OSBPL7: variants seen among roughly 807,000 people sequenced by gnomAD.
The protein encoded by OSBPL7 is oxysterol-binding protein-related protein 7.
Under a neutral mutation model 115.8 loss-of-function variants are expected in OSBPL7, and 66 were observed. The observed-to-expected ratio is 0.57, with a 90% CI of 0.47 to 0.70. The LOEUF (loss-of-function observed/expected upper bound fraction) is 0.70. Ranked by LOEUF, OSBPL7 falls within the 30% of genes least tolerant of loss-of-function variation. The pLI is 0.00. For missense variants in OSBPL7, 902 were observed against 1,125.5 expected (o/e 0.80, Z 2.84); for synonymous variants, 441 against 439.2 (o/e 1.00, Z -0.05).
rs367678143 is a variant in OSBPL7, at chr17:47,815,266, C to T, written c.1206G>A (p.Glu402=). 10 of 1,613,846 alleles carry T rather than the reference C, an allele frequency of 6.2e-6. No individual in the cohort carries two copies. The highest frequency in any genetic ancestry group is 1.7e-5 in the Admixed American group (1 of 60,006). ...GGAGAACCTCGCAGGCATCGAAGAACTCCGTGTGGGAATCAGCAAGGGACA... is the reference window on the plus strand; with the variant it reads ...GGAGAACCTCGCAGGCATCGAAGAATTCCGTGTGGGAATCAGCAAGGGACA... The part of the protein sequence containing the change: ...SILSLADSHT[E]FFDACEVLLS... The change falls in exon 13 of 23, where the codon GAG becomes GAA. Residue 402 remains glutamate, a synonymous_variant. Coordinates refer to ENST00000007414, the MANE Select transcript of OSBPL7 (RefSeq NM_145798.3).
At chr17:47,814,341 C>A (rs536579101) in intron 14 of OSBPL7, among the ~76,000 whole-genome samples, 180 bp downstream of exon 14, 3 of 152,378 alleles carry the variant, frequency 2.0e-5, no homozygotes, top group Admixed American at 2.0e-4. Flanking sequence ...CCCAGCAGAG[C>A]TGCTCCTGGA....
At chr17:47,817,153 C>T (rs2033248011) in intron 8 of OSBPL7, 103 bp downstream of exon 8, 2 of 934,936 alleles carry the variant, frequency 2.1e-6, no homozygotes, top group Non-Finnish European at 3.3e-6. Flanking sequence ...CGATGCATGG[C>T]TCTCCAGGAA....
intron 16 of OSBPL7, among the ~76,000 whole-genome samples, chr17:47,812,272 G>A (rs1033282742): frequency 4.6e-5 from 7 of 152,072 alleles, no homozygotes; most frequent in Non-Finnish European, 7.4e-5. Context: ...AGGGACCCGC[G>A]ACCCCTCCCC....
chr17:47,816,482 A>C lies in OSBPL7; in HGVS notation c.929T>G (p.Val310Gly), dbSNP rs1171494462. Reference protein sequence around the residue: ...QRSFWALAQKVHSSLSSVLAA... With the variant: ...QRSFWALAQKGHSSLSSVLAA... ...CAGGACGCTGCTGAGGGAGCTGTGC[A>C]CTACAGGGAGTGGGGCAGACCATCA... Residue 310 changes from valine to glycine, a missense_variant and splice_region_variant, in exon 11 of 23, where the codon GTG (valine) becomes GGG (glycine). Physicochemically the swap from Val to Gly is moderately radical, Grantham distance 109. Coordinates refer to ENST00000007414, the MANE Select transcript of OSBPL7 (RefSeq NM_145798.3). The surrounding 1 kb of genome is among the most constrained non-coding windows in gnomAD (Gnocchi z 5.8). 1 of 1,546,478 alleles carries C rather than the reference A, an allele frequency of 6.5e-7. No homozygotes were observed. Among genetic ancestry groups the C allele is most frequent in the Admixed American group, 2.0e-5 (1 of 50,448 alleles).
chr17:47,815,980 T>C (rs1039275520), intron 12 of OSBPL7, 127 bp downstream of exon 12: 3 of 710,080 alleles, frequency 4.2e-6, no homozygotes, highest in Middle Eastern at 2.5e-4. Context: ...GGAAAGACAA[T>C]GGAGCCAGGA....
chr17:47,816,260 C>T lies in OSBPL7; in HGVS notation c.1024-58G>A, dbSNP rs1462061319. On this transcript the variant is annotated intron_variant, in intron 11 of 22. Transcript: ENST00000007414. This position sits in a 1 kb window ranked among gnomAD's most constrained non-coding sequence, Gnocchi z 5.8. ...GAGGATGAGGTCCTCCCCACCTTGC[C>T]GCATCTCTGCAGAGACTGCCTCTGC... 89 of 1,516,428 alleles carry T rather than the reference C, an allele frequency of 5.9e-5. No individual in the cohort carries two copies. Among genetic ancestry groups the T allele is most frequent in the Non-Finnish European group, 6.8e-5 (76 of 1,121,216 alleles). 93.9% of individuals were successfully genotyped at this position (1,516,428 alleles called of 1,614,324 possible).
At chr17:47,811,347 G>A (rs895558653) in intron 16 of OSBPL7, among the ~76,000 whole-genome samples, 41 of 152,094 alleles carry the variant, frequency 2.7e-4, no homozygotes, top group Admixed American at 2.1e-3. Context: ...CTCTCTCTCC[G>A]TTCCCTGTCG....
rs751809186 is a variant in OSBPL7 at position 47,808,948 on chromosome 17, T to C, written c.2213A>G (p.Gln738Arg). ...CAGCTCATTCAGCTCCAAGGCAAAC[T>C]GGGTGAAGCCGAAGTTTCGCTCATG... The part of the protein sequence containing the change: ...PDHERNFGFT[Q>R]FALELNELTA... Residue 738 changes from glutamine (Q) to arginine (R), a missense_variant, in exon 21 of 23, where the codon CAG becomes CGG. Around this residue, in one of 3 missense-constraint regions of OSBPL7, gnomAD observed 230 missense variants for 312.7 expected, o/e 0.74. Coordinates refer to ENST00000007414, the MANE Select transcript of OSBPL7 (RefSeq NM_145798.3). This position sits in a 1 kb window ranked among gnomAD's most constrained non-coding sequence, Gnocchi z 6.1. 1.2e-6 allele frequency: 2 copies of C among 1,613,812 alleles called. No individual in the cohort carries two copies. Among genetic ancestry groups the C allele is most frequent in the Non-Finnish European group, 1.7e-6 (2 of 1,179,978 alleles).
At chr17:47,820,909 G>C (rs2033376756) in intron 1 of OSBPL7, 1 of 152,056 alleles carries the variant, frequency 6.6e-6, no homozygotes, top group Non-Finnish European at 1.5e-5. Context: ...ACTGAGGCCT[G>C]AGATAGCCCC....
In OSBPL7 at chr17:47,808,980, G is replaced by C; in HGVS notation, c.2181C>G (p.Pro727=). ...GQCIWKPNSM[P]PDHERNFGFT... is the part of the protein sequence containing the mutation. Reference sequence around the variant, plus strand: ...AGCCGAAGTTTCGCTCATGGTCGGGGGGCATTGAGTCTGGGGGAAGGCAAG... The same window carrying C: ...AGCCGAAGTTTCGCTCATGGTCGGGCGGCATTGAGTCTGGGGGAAGGCAAG... Residue 727 remains proline (P), a synonymous_variant, in exon 21 of 23, where the codon CCC becomes CCG. Coordinates refer to ENST00000007414, the MANE Select transcript of OSBPL7 (RefSeq NM_145798.3). This position sits in a 1 kb window ranked among gnomAD's most constrained non-coding sequence, Gnocchi z 6.1. The C allele has an allele frequency of 6.2e-7, 1 of 1,614,160 alleles. No homozygotes were observed. The highest frequency in any genetic ancestry group is 1.1e-5 in the South Asian group (1 of 91,082).
Position 47,820,311 on chromosome 17 carries a change from G to A in OSBPL7, c.-33C>T. The A allele has an allele frequency of 1.2e-6, 2 of 1,601,976 alleles. No individual in the cohort carries two copies. The highest frequency in any genetic ancestry group is 8.5e-7 in the Non-Finnish European group (1 of 1,172,230). On this transcript the variant is annotated 5_prime_UTR_variant, in exon 2 of 23. Coordinates refer to ENST00000007414, the MANE Select transcript of OSBPL7 (RefSeq NM_145798.3). ...GGAGAGGCCACTCCCTGCTGGGGAT[G>A]TAGAGCAGGGAGCAGGGTGGAAGGG...
In OSBPL7 at chr17:47,820,228, G is replaced by A. The variant is rs956933674; in HGVS notation, c.51C>T (p.Ser17=). Residue 17 remains serine (S), a synonymous_variant, in exon 2 of 23, where the codon TCC becomes TCT. Transcript: ENST00000007414. ...CCTGCTGAGCACTGCTGGGCTTTGA[G>A]GACTGAGCGCTCTCAGGCAGGAAGG... ...DPPFLPESAQ[S]SKPSSAQQAS... is the part of the protein sequence containing the mutation. 4 of 1,613,920 alleles carry A rather than the reference G, an allele frequency of 2.5e-6. No homozygotes were observed. The highest frequency in any genetic ancestry group is 3.4e-6 in the Non-Finnish European group (4 of 1,180,010).
chr17:47,811,269 G>T (rs1268780625), intron 16 of OSBPL7, among the ~76,000 whole-genome samples: 9 of 141,220 alleles, frequency 6.4e-5, no homozygotes, highest in Admixed American at 1.5e-4. Context: ...ACTTGGCCTT[G>T]TTCCCACTTG....
rs778371847 is a variant in OSBPL7 at position 47,816,787 on chromosome 17, A to G, written c.788T>C (p.Ile263Thr). Residue 263 changes from isoleucine to threonine, a missense_variant, in exon 9 of 23, where the codon ATT becomes ACT. Physicochemically the swap from Ile to Thr is moderately conservative, Grantham distance 89. This residue lies in a region of OSBPL7 where 667 missense variants were observed against 788.7 expected (regional missense o/e 0.85). Coordinates refer to ENST00000007414, the MANE Select transcript of OSBPL7 (RefSeq NM_145798.3). The surrounding 1 kb of genome is among the most constrained non-coding windows in gnomAD (Gnocchi z 5.8). ...CTQSFAKDDT[I>T]GRVGRLHGSV... Reference sequence around the variant, plus strand: ...GTGCATGCCCGACCTCACCCGTCCAATGGTGTCATCCTTGGCAAAGCTCTG... The same window carrying G: ...GTGCATGCCCGACCTCACCCGTCCAGTGGTGTCATCCTTGGCAAAGCTCTG... 5.0e-6 allele frequency: 8 copies of G among 1,614,018 alleles called. No individual in the cohort carries two copies. The highest frequency in any genetic ancestry group is 3.3e-5 in the Admixed American group (2 of 60,004).
chr17:47,809,245 G>C, intron 19 of OSBPL7, 25 bp from the exon 20 acceptor site: 1 of 1,613,622 alleles, frequency 6.2e-7, no homozygotes, highest in Non-Finnish European at 8.5e-7. Flanking sequence ...GCAGGGTTTA[G>C]GGAGGTGTCC....
chr17:47,816,799 T>G lies in OSBPL7; in HGVS notation c.776A>C (p.Lys259Thr). 1 of 1,614,196 alleles carries G rather than the reference T, an allele frequency of 6.2e-7. No individual in the cohort carries two copies. Among genetic ancestry groups the G allele is most frequent in the Non-Finnish European group, 8.5e-7 (1 of 1,180,028 alleles). Residue 259 changes from lysine to threonine, a missense_variant, in exon 9 of 23, where the codon AAG becomes ACG. Transcript: ENST00000007414. The surrounding 1 kb of genome is among the most constrained non-coding windows in gnomAD (Gnocchi z 5.8). ...SRMWCTQSFAKDDTIGRVGRL... is the reference protein window; with the variant it reads ...SRMWCTQSFATDDTIGRVGRL... ...CCTCACCCGTCCAATGGTGTCATCC[T>G]TGGCAAAGCTCTGGGTGCACCACAT... is the stretch of plus-strand genomic sequence containing the variant.
rs1315789244 is a variant in OSBPL7 at position 47,807,380 on chromosome 17, A to G, written c.*911T>C. On this transcript the variant is annotated 3_prime_UTR_variant, in exon 23 of 23. Coordinates refer to ENST00000007414, the MANE Select transcript of OSBPL7 (RefSeq NM_145798.3). Reference sequence around the variant, plus strand: ...ATGGTCACAGGCCAAAGTCTGGGACAGTCTTTATTGGAGCTTGGAATGTCA... The same window carrying G: ...ATGGTCACAGGCCAAAGTCTGGGACGGTCTTTATTGGAGCTTGGAATGTCA... The G allele has an allele frequency of 6.6e-6, 1 of 152,662 alleles. No individual in the cohort carries two copies. The highest frequency in any genetic ancestry group is 2.4e-5 in the African/African-American group (1 of 41,456). 9.5% of individuals were successfully genotyped at this position (152,662 alleles called of 1,614,324 possible).
chr17:47,817,105 C>T (rs1262773526), intron 8 of OSBPL7, 151 bp downstream of exon 8: 2 of 709,266 alleles, frequency 2.8e-6, no homozygotes, highest in Non-Finnish European at 4.8e-6. Context: ...AATCTTGATA[C>T]AGTTTGGACA....
chr17:47,817,164 A>C, intron 8 of OSBPL7, 92 bp downstream of exon 8: 1 of 1,008,794 alleles, frequency 9.9e-7, no homozygotes, highest in Non-Finnish European at 1.5e-6. Context: ...TCTCCAGGAA[A>C]CTGCAGCGAT....
Sources: gnomAD v4.1 joint callset for allele counts (sites outside exome capture counted in the v4.1 genomes callset) on GRCh38, gnomAD v4.1.1 for gene constraint, gnomAD v4.1.1 regional missense constraint, Gnocchi (gnomAD v3.1) non-coding constraint, MANE v1.5 for transcripts, NCBI Gene and HGNC (gene_info 2026-07-23, HGNC 2026-07-21) for gene names.